GPC6: variants seen among roughly 807,000 people sequenced by gnomAD.
The protein encoded by GPC6 is glypican-6.
Under a neutral mutation model 55.2 loss-of-function variants are expected in GPC6, and 14 were observed. The ratio of observed to expected loss-of-function variants is 0.25; its 90% CI spans 0.17 to 0.40. The LOEUF (loss-of-function observed/expected upper bound fraction) is 0.40. GPC6 is among the 10% of genes least tolerant of loss of function. The probability of loss-of-function intolerance (pLI) is 1.00; values close to 1 mark genes in which losing one functional copy is unlikely to be tolerated. For synonymous variants in GPC6, 278 were observed against 259.6 expected, an observed-to-expected ratio of 1.07 and a Z score of -0.68; for missense variants, 641 against 708.5, an observed-to-expected ratio of 0.90 and a Z score of 1.08.
chr13:93,737,333 A>C (rs1040846582), intron 2 of GPC6, among the ~76,000 whole-genome samples: 3 of 152,114 alleles, frequency 2.0e-5, no homozygotes, highest in Non-Finnish European at 2.9e-5. Flanking sequence ...GCTTTGATGA[A>C]AGTGCTTAAG....
chr13:93,991,111 A>G (rs1001812077), intron 3 of GPC6, among the ~76,000 whole-genome samples: 3 of 152,160 alleles, frequency 2.0e-5, no homozygotes, highest in African/African-American at 7.2e-5. Flanking sequence ...ATGAACACAT[A>G]TAGTTGTGCA....
At chr13:94,105,852 G>T (rs1594740263) in intron 4 of GPC6, among the ~76,000 whole-genome samples, 1 of 152,134 alleles carries the variant, frequency 6.6e-6, no homozygotes, top group African/African-American at 2.4e-5. Flanking sequence ...ACAACCCAGT[G>T]GGTGTTAATG....
intron 1 of GPC6, among the ~76,000 whole-genome samples, chr13:93,342,012 G>A (rs1011031928): frequency 7.3e-5 from 11 of 151,564 alleles, no homozygotes; most frequent in African/African-American, 2.2e-4. Context: ...GGGACTCCAG[G>A]TGTCCAGCAC....
intron 3 of GPC6, among the ~76,000 whole-genome samples, chr13:93,963,253 C>T (rs532726611): frequency 6.6e-6 from 1 of 151,962 alleles, no homozygotes; most frequent in African/African-American, 2.4e-5. Flanking sequence ...TCTTGATGAG[C>T]TTTATTTTTT....
chr13:93,288,755 C>A (rs1162395318), intron 1 of GPC6, among the ~76,000 whole-genome samples: 2 of 152,074 alleles, frequency 1.3e-5, no homozygotes, highest in Non-Finnish European at 2.9e-5. Context: ...TCTGGATAAC[C>A]AATGAGTGAC....
chr13:94,100,329 G>A (rs529989851), intron 4 of GPC6, among the ~76,000 whole-genome samples: 6 of 152,266 alleles, frequency 3.9e-5, no homozygotes, highest in South Asian at 2.1e-4. Flanking sequence ...TTTTGAATAC[G>A]TAGAATTTCT....
At chr13:94,313,256 T>A (rs1876353201) in intron 6 of GPC6, among the ~76,000 whole-genome samples, 1 of 152,116 alleles carries the variant, frequency 6.6e-6, no homozygotes, top group Non-Finnish European at 1.5e-5. Context: ...GACACATATA[T>A]AAAATGATGG....
At chr13:93,256,543 T>A (rs1224737207) in intron 1 of GPC6, among the ~76,000 whole-genome samples, 1 of 152,208 alleles carries the variant, frequency 6.6e-6, no homozygotes, top group African/African-American at 2.4e-5. Context: ...TATCCTGGCA[T>A]AGCCCTCAGT....
At chr13:93,656,723 AT>A (rs1024839459) in intron 2 of GPC6, among the ~76,000 whole-genome samples, 1 of 152,034 alleles carries the variant, frequency 6.6e-6, no homozygotes, top group Non-Finnish European at 1.5e-5. Flanking sequence ...TTAAAAAATC[AT>A]TTTTTGTGAT....
At chr13:93,701,780 T>C (rs1232545001) in intron 2 of GPC6, among the ~76,000 whole-genome samples, 1 of 152,032 alleles carries the variant, frequency 6.6e-6, no homozygotes, top group Non-Finnish European at 1.5e-5. Context: ...CTTTGTCATC[T>C]TCAAGAAGAA....
At chr13:93,567,142 T>G (rs914898733) in intron 2 of GPC6, among the ~76,000 whole-genome samples, 1 of 152,172 alleles carries the variant, frequency 6.6e-6, no homozygotes, top group Non-Finnish European at 1.5e-5. Context: ...ATTGCCACGC[T>G]GTCTTCCACA....
At chr13:94,188,904 C>T (rs1889293143) in intron 4 of GPC6, among the ~76,000 whole-genome samples, 1 of 152,170 alleles carries the variant, frequency 6.6e-6, no homozygotes, top group South Asian at 2.1e-4. Context: ...ACTCCAAATC[C>T]ATCCTCTCTC....
intron 2 of GPC6, among the ~76,000 whole-genome samples, chr13:93,560,338 T>A (rs1257397174): frequency 8.2e-6 from 1 of 121,484 alleles, no homozygotes; most frequent in African/African-American, 3.4e-5. Context: ...CGAAACAGTA[T>A]CTCTACCAAA....
chr13:94,217,798 T>C (rs1890266883), intron 4 of GPC6, among the ~76,000 whole-genome samples: 1 of 152,206 alleles, frequency 6.6e-6, no homozygotes, highest in Non-Finnish European at 1.5e-5. Context: ...ATCTTAGCTC[T>C]GCATTAACTT....
chr13:94,402,034 T>C (rs1418984502), intron 8 of GPC6, among the ~76,000 whole-genome samples: 7 of 152,216 alleles, frequency 4.6e-5, no homozygotes, highest in Non-Finnish European at 8.8e-5. Context: ...TTTGGAGTTA[T>C]GGACCATACA....
chr13:93,672,491 A>G (rs1053899118), intron 2 of GPC6, among the ~76,000 whole-genome samples: 5 of 151,988 alleles, frequency 3.3e-5, no homozygotes, highest in African/African-American at 1.2e-4. Context: ...GTAGAAAAAG[A>G]AAGTAAAATA....
chr13:93,541,701 T>A lies in GPC6; in HGVS notation c.161-3562T>A, dbSNP rs1430388955. On this transcript the variant is annotated intron_variant, in intron 1 of 8. Transcript: ENST00000377047. ...TCTCCAGCACCTGTTGTTTCCTGAC[T>A]TTTTAATGATTGCCATTCTAACTGC... is the stretch of plus-strand genomic sequence containing the variant. Among the ~76,000 whole-genome samples the A allele has an allele frequency of 9.0e-5, 13 of 144,204 alleles. No homozygotes were observed. The South Asian group carries it at 2.3e-3, about 26-fold the overall frequency. 94.6% of individuals were successfully genotyped at this position (144,204 alleles called of 152,430 possible).
chr13:93,834,512 G>A (rs921544056), intron 3 of GPC6, among the ~76,000 whole-genome samples: 7 of 152,158 alleles, frequency 4.6e-5, no homozygotes, highest in Non-Finnish European at 7.3e-5. Context: ...AGATGAAGGA[G>A]GGATACATAG....
intron 4 of GPC6, among the ~76,000 whole-genome samples, chr13:94,136,584 C>G (rs1242222679): frequency 1.3e-5 from 2 of 152,094 alleles, no homozygotes; most frequent in African/African-American, 4.8e-5. Context: ...GTGGTGGGTG[C>G]CTGTAGTCCC....
Sources: allele counts gnomAD v4.1 joint callset (sites outside exome capture counted in the v4.1 genomes callset), GRCh38; gene constraint gnomAD v4.1.1; transcripts MANE v1.5; gene names NCBI Gene and HGNC (gene_info 2026-07-23, HGNC 2026-07-21).